CNNM2: variants seen among roughly 807,000 people sequenced by gnomAD.
CNNM2 encodes the protein metal transporter CNNM2.
A neutral mutation model predicts 66.9 loss-of-function variants in CNNM2; 12 were observed. That is an observed-to-expected ratio of 0.18 (90% confidence interval 0.11 to 0.29). CNNM2 has a LOEUF of 0.29. CNNM2 is among the 10% of genes least tolerant of loss of function. The pLI is 1.00. For synonymous variants in CNNM2, 557 were observed against 501.8 expected (o/e 1.11, Z -1.47); for missense variants, 705 against 1,167.7 (o/e 0.60, Z 5.77).
intron 1 of CNNM2, among the ~76,000 whole-genome samples, chr10:102,983,827 G>A (rs150415588): frequency 5.5e-4 from 83 of 151,642 alleles, no homozygotes; most frequent in Non-Finnish European, 1.0e-3. Flanking sequence ...ATACAGTGGC[G>A]GGATCTTGGC....
At chr10:102,970,674 C>A (rs908670279) in intron 1 of CNNM2, among the ~76,000 whole-genome samples, 1 of 152,102 alleles carries the variant, frequency 6.6e-6, no homozygotes, top group Non-Finnish European at 1.5e-5. Context: ...AGGCACAGTA[C>A]CAGTACTGAT....
chr10:103,054,579 A>G lies in CNNM2; in HGVS notation c.1903+113A>G. The G allele has an allele frequency of 9.1e-7, 1 of 1,103,040 alleles. No individual in the cohort carries two copies. Among genetic ancestry groups the G allele is most frequent in the Non-Finnish European group, 1.3e-6 (1 of 766,158 alleles). 68.3% of individuals were successfully genotyped at this position (1,103,040 alleles called of 1,614,324 possible). A position where few individuals can be genotyped will look rare whatever the true frequency, so the allele number is the denominator to read the frequency against. Reference sequence around the variant, plus strand: ...ACACTGGGAAATGGGGTGATAAGTAATGCCACTTTTGTGTTTTGTTTTTTT... The same window carrying G: ...ACACTGGGAAATGGGGTGATAAGTAGTGCCACTTTTGTGTTTTGTTTTTTT... On this transcript the variant is annotated intron_variant, in intron 3 of 7. Transcript: ENST00000369878. The surrounding 1 kb of genome is among the most constrained non-coding windows in gnomAD (Gnocchi z 5.2).
chr10:102,920,337 A>G (rs1166791824), intron 1 of CNNM2, among the ~76,000 whole-genome samples: 1 of 152,196 alleles, frequency 6.6e-6, no homozygotes, highest in Admixed American at 6.5e-5. Flanking sequence ...CCCATTATCA[A>G]AAAGCAGGCT....
At chr10:102,969,212 G>A (rs955800059) in intron 1 of CNNM2, among the ~76,000 whole-genome samples, 18 of 151,764 alleles carry the variant, frequency 1.2e-4, no homozygotes, top group Admixed American at 3.9e-4. Flanking sequence ...ACTGCACTGC[G>A]CCTAGTAGTG....
intron 1 of CNNM2, among the ~76,000 whole-genome samples, chr10:102,954,801 T>G (rs1846974745): frequency 6.6e-6 from 1 of 152,120 alleles, no homozygotes; most frequent in Non-Finnish European, 1.5e-5. Context: ...GGGACTTCAT[T>G]TTTTGAGAAG....
rs1297747673 is a variant in CNNM2, at chr10:103,087,945, A to G, written c.*10765A>G. The G allele has an allele frequency of 6.6e-6, 1 of 152,238 alleles. No individual in the cohort carries two copies. Among genetic ancestry groups the G allele is most frequent in the Non-Finnish European group, 1.5e-5 (1 of 68,032 alleles). The allele number at this position is 152,238 out of a possible 1,614,324, so 9.4% of individuals were successfully genotyped here. On this transcript the variant is annotated 3_prime_UTR_variant, in exon 8 of 8. Coordinates refer to ENST00000369878, the MANE Select transcript of CNNM2 (RefSeq NM_017649.5). ...TCTCTGCTTATAAAATAATTTTTTAAAAAGCCTCACTTCACAGTCCTGTTC... is the reference window on the plus strand; with the variant it reads ...TCTCTGCTTATAAAATAATTTTTTAGAAAGCCTCACTTCACAGTCCTGTTC...
At chr10:102,981,561 T>A (rs1336788729) in intron 1 of CNNM2, among the ~76,000 whole-genome samples, 1 of 151,190 alleles carries the variant, frequency 6.6e-6, no homozygotes, top group Non-Finnish European at 1.5e-5. Context: ...CGGCTAACTT[T>A]GGTATTTTTT....
At chr10:103,062,238 C>A (rs1460347697) in intron 4 of CNNM2, among the ~76,000 whole-genome samples, 1 of 152,218 alleles carries the variant, frequency 6.6e-6, no homozygotes, top group Non-Finnish European at 1.5e-5. Flanking sequence ...TCAAAAGGGA[C>A]TTTTCCCTAT....
rs1328926014 is a variant in CNNM2 at position 102,921,067 on chromosome 10, TTATA to T, written c.1621+967_1621+970del. ...GTCAACTCTCACCGTTCCAAGATGC[TTATA>T]CAGTACATCATTTATATTTGTTCGT... is the stretch of plus-strand genomic sequence containing the variant. On this transcript the variant is annotated intron_variant, in intron 1 of 7. Coordinates refer to ENST00000369878, the MANE Select transcript of CNNM2 (RefSeq NM_017649.5). 3.1e-6 allele frequency: 3 copies of T among 976,866 alleles called. No homozygotes were observed. In the African/African-American group the frequency reaches 5.3e-5, roughly 17 times the overall value. The allele number at this position is 976,866 out of a possible 1,614,324, so 60.5% of individuals were successfully genotyped here. A position where few individuals can be genotyped will look rare whatever the true frequency, so the allele number is the denominator to read the frequency against.
rs987718436 is a variant in CNNM2 at position 102,950,196 on chromosome 10, C to T, written c.1621+30095C>T. On this transcript the variant is annotated intron_variant, in intron 1 of 7. Transcript: ENST00000369878. ...AATATTTCCTGAACAAGAGCATAGG[C>T]GTTGTCAGGCAAAAATGTCTAGAAA... 3.9e-5 allele frequency among the ~76,000 whole-genome samples: 6 copies of T among 152,108 alleles called. 1 individual carries two copies. The South Asian group carries it at 8.3e-4, about 21-fold the overall frequency.
At chr10:103,067,767 C>T (rs769124419) in intron 4 of CNNM2, among the ~76,000 whole-genome samples, 6 of 152,022 alleles carry the variant, frequency 3.9e-5, no homozygotes, top group African/African-American at 1.2e-4. Context: ...AAGAAGTTGT[C>T]GACAAGTTAG....
At chr10:102,940,217 G>T (rs1284349723) in intron 1 of CNNM2, among the ~76,000 whole-genome samples, 2 of 152,084 alleles carry the variant, frequency 1.3e-5, no homozygotes, top group African/African-American at 4.8e-5. Context: ...GCCTTCCAAG[G>T]TGTTGGGATT....
At chr10:102,973,059 A>G (rs1050724435) in intron 1 of CNNM2, among the ~76,000 whole-genome samples, 1 of 152,112 alleles carries the variant, frequency 6.6e-6, no homozygotes, top group South Asian at 2.1e-4. Context: ...TTGTAGTATA[A>G]TGGTTCATCT....
chr10:102,974,718 A>G (rs1307657868), intron 1 of CNNM2, among the ~76,000 whole-genome samples: 1 of 152,064 alleles, frequency 6.6e-6, no homozygotes. Context: ...AATTTTTTTC[A>G]TACAGGCAGG....
At chr10:103,053,613 G>A (rs2065251165) in intron 2 of CNNM2, among the ~76,000 whole-genome samples, 1 of 152,204 alleles carries the variant, frequency 6.6e-6, no homozygotes. Flanking sequence ...AGTTTGATTG[G>A]AAAACAGCCA....
chr10:102,985,918 A>G (rs140280805), intron 1 of CNNM2, among the ~76,000 whole-genome samples: 1 of 152,274 alleles, frequency 6.6e-6, no homozygotes, highest in African/African-American at 2.4e-5. Flanking sequence ...TTGGAGACCC[A>G]CAAGTTTTTT....
chr10:103,066,535 CA>C (rs1564868763), intron 4 of CNNM2, among the ~76,000 whole-genome samples: 1 of 152,242 alleles, frequency 6.6e-6, no homozygotes, highest in Non-Finnish European at 1.5e-5. Context: ...TCTGCTCACC[CA>C]GCTGCCTTCC....
intron 1 of CNNM2, among the ~76,000 whole-genome samples, chr10:103,026,887 A>T (rs2064718805): frequency 6.6e-6 from 1 of 152,192 alleles, no homozygotes; most frequent in Non-Finnish European, 1.5e-5. Context: ...ACAGTAAGGA[A>T]ATCAGTCTTG....
At chr10:102,937,821 C>T (rs1186493770) in intron 1 of CNNM2, among the ~76,000 whole-genome samples, 1 of 149,674 alleles carries the variant, frequency 6.7e-6, no homozygotes, top group Non-Finnish European at 1.5e-5. Context: ...GACAGGCTCT[C>T]CCTATGTTGC....
Sources: gnomAD v4.1 joint callset for allele counts (sites outside exome capture counted in the v4.1 genomes callset) on GRCh38, gnomAD v4.1.1 for gene constraint, Gnocchi (gnomAD v3.1) non-coding constraint, MANE v1.5 for transcripts, NCBI Gene and HGNC (gene_info 2026-07-23, HGNC 2026-07-21) for gene names.